EXOSC10: variants seen among roughly 807,000 people sequenced by gnomAD.
EXOSC10 encodes the protein exosome component 10, also known as exosome complex component 10.
Under a neutral mutation model 126.6 loss-of-function variants are expected in EXOSC10, and 94 were observed. The ratio of observed to expected loss-of-function variants is 0.74; its 90% CI spans 0.63 to 0.88. EXOSC10 has a LOEUF of 0.88. Among genes scored for constraint, EXOSC10 ranks in the 40% least tolerant of loss-of-function variants. The pLI is 0.00. For missense variants in EXOSC10, 1,041 were observed against 1,100.5 expected, an observed-to-expected ratio of 0.95 and a Z score of 0.77; for synonymous variants, 395 against 400.8, an observed-to-expected ratio of 0.99 and a Z score of 0.17.
At chr1:11,080,198 T>C (rs1441792537) in intron 13 of EXOSC10, among the ~76,000 whole-genome samples, 1 of 152,198 alleles carries the variant, frequency 6.6e-6, no homozygotes, top group Non-Finnish European at 1.5e-5. Context: ...TGGAAGAAAG[T>C]ACAGATGACA....
chr1:11,087,121 T>A (rs1319705288), intron 9 of EXOSC10, among the ~76,000 whole-genome samples: 1 of 152,208 alleles, frequency 6.6e-6, no homozygotes, highest in Non-Finnish European at 1.5e-5. Flanking sequence ...ACGCTTGAAG[T>A]CTGAAACTGT....
At chr1:11,087,365 G>A (rs1640551992) in intron 9 of EXOSC10, 83 bp downstream of exon 9, 24 of 1,527,296 alleles carry the variant, frequency 1.6e-5, no homozygotes, top group Non-Finnish European at 2.2e-5. Flanking sequence ...ACTGGTCTAG[G>A]TTGAAATAAT....
At position 11,098,048 on chromosome 1, in the gene EXOSC10, C is replaced by T. The variant is rs62623443; in HGVS notation, c.220G>A (p.Glu74Lys). The change falls in exon 2 of 25, where the codon GAA (glutamate) becomes AAA (lysine). Residue 74 changes from glutamate to lysine, a missense_variant. By Grantham distance (56) the Glu-to-Lys change is moderately conservative (BLOSUM62 1). Around this residue, in one of 3 missense-constraint regions of EXOSC10, gnomAD observed 645 missense variants for 656.3 expected, o/e 0.98. Transcript: ENST00000376936. ...TGAAGCAACCTGTCTCCCTGTGTTTCGCAAAATGCTTGGAAGCCAGGAAAA... is the reference window on the plus strand; with the variant it reads ...TGAAGCAACCTGTCTCCCTGTGTTTTGCAAAATGCTTGGAAGCCAGGAAAA... Reference protein sequence around the residue: ...RSFPGFQAFCETQGDRLLQCM... With the variant: ...RSFPGFQAFCKTQGDRLLQCM... The T allele has an allele frequency of 7.7e-3, 12,387 of 1,611,812 alleles. 426 individuals carry two copies. The highest frequency in any genetic ancestry group is 0.064 in the Admixed American group (3,802 of 59,456).
chr1:11,080,818 T>G lies in EXOSC10; in HGVS notation c.1532A>C (p.Gln511Pro). The G allele has an allele frequency of 6.2e-7, 1 of 1,614,190 alleles. No individual in the cohort carries two copies. Among genetic ancestry groups the G allele is most frequent in the Non-Finnish European group, 8.5e-7 (1 of 1,180,020 alleles). ...TTTATCCCTCCAGGCAAACAGCAGC[T>G]GAAAGGCTGTCAACTGCTGTGTGTT... The part of the protein sequence containing the change: ...HLNTQQLTAF[Q>P]LLFAWRDKTA... The change falls in exon 12 of 25, where the codon CAG (glutamine) becomes CCG (proline). Residue 511 changes from glutamine (Q) to proline (P), a missense_variant. By Grantham distance (76) the Gln-to-Pro change is moderately conservative. This residue lies in a region of EXOSC10 where 645 missense variants were observed against 656.3 expected (regional missense o/e 0.98). Transcript: ENST00000376936.
chr1:11,072,739 G>C (rs1376176831), intron 19 of EXOSC10: 1 of 152,584 alleles, frequency 6.6e-6, no homozygotes, highest in Non-Finnish European at 1.5e-5. Flanking sequence ...CTCAGGGACA[G>C]GAACGGGGCT....
At chr1:11,069,794 G>A (rs1490661742) in intron 21 of EXOSC10, 64 bp from the exon 22 acceptor site, 34 of 1,552,210 alleles carry the variant, frequency 2.2e-5, no homozygotes, top group Non-Finnish European at 2.4e-5. Context: ...GAACTCCACC[G>A]GCCTCAGCAA....
intron 13 of EXOSC10, 46 bp from the exon 14 acceptor site, chr1:11,079,868 G>A (rs2100977693): frequency 1.4e-6 from 2 of 1,425,812 alleles, no homozygotes; most frequent in Non-Finnish European, 1.9e-6. Flanking sequence ...CAGAAACGCA[G>A]CCCTTAAAGG....
rs70977543 is a variant in EXOSC10, at chr1:11,080,563, A to AACACACAC, written c.1587-22_1587-15dup. ...GGCAGTACATATCTGGAAAAAAAAA[A>AACACACAC]ACACACACACACACACACACACACA... is the stretch of plus-strand genomic sequence containing the variant. On this transcript the variant is annotated splice_polypyrimidine_tract_variant and intron_variant, in intron 12 of 24. Transcript: ENST00000376936. The AACACACAC allele has an allele frequency of 1.9e-4, 277 of 1,423,502 alleles. No individual in the cohort carries two copies. In the African/African-American group the frequency reaches 3.3e-3, roughly 17 times the overall value. The allele number at this position is 1,423,502 out of a possible 1,614,324, so 88.2% of individuals were successfully genotyped here.
At chr1:11,097,969 T>C (rs777638834) in intron 2 of EXOSC10, 51 bp downstream of exon 2, 9 of 1,441,276 alleles carry the variant, frequency 6.2e-6, no homozygotes, top group Admixed American at 2.7e-5. Context: ...TATCTACTTC[T>C]TTGTTTTCAT....
chr1:11,085,519 G>A lies in EXOSC10; in HGVS notation c.1089+1929C>T, dbSNP rs201288630. Among the ~76,000 whole-genome samples, 16 of 152,152 alleles carry A rather than the reference G, an allele frequency of 1.1e-4. No homozygotes were observed. The East Asian group carries it at 2.5e-3, about 24-fold the overall frequency. ...TGCTTATCAGCTTAAGGAGATTTTG[G>A]GCTGAGACAATGGGGTTTTCTAGAT... On this transcript the variant is annotated intron_variant, in intron 9 of 24. Coordinates refer to ENST00000376936, the MANE Select transcript of EXOSC10 (RefSeq NM_001001998.3).
chr1:11,096,149 A>G (rs1165604722), intron 2 of EXOSC10, among the ~76,000 whole-genome samples: 1 of 151,938 alleles, frequency 6.6e-6, no homozygotes, highest in East Asian at 1.9e-4. Flanking sequence ...AGGTCTGGTT[A>G]ATTTTTGTAT....
intron 22 of EXOSC10, among the ~76,000 whole-genome samples, chr1:11,069,260 G>A (rs2791654): frequency 0.51 from 51,820 of 101,464 alleles, 16,786 homozygotes; most frequent in East Asian, 0.73. Context: ...AGAGAGAGAG[G>A]GTTTATGGGC....
At chr1:11,099,640 G>A (rs1040038469) in intron 1 of EXOSC10, 81 bp downstream of exon 1, 145 of 1,412,456 alleles carry the variant, frequency 1.0e-4, no homozygotes, top group Non-Finnish European at 1.3e-4. Context: ...ACGGCGGGCG[G>A]GCATTGGCTG....
chr1:11,095,971 G>C lies in EXOSC10; in HGVS notation c.249-90C>G, dbSNP rs151027964. 5.5e-3 allele frequency: 7,604 copies of C among 1,374,954 alleles called. 26 individuals carry two copies. Among genetic ancestry groups the C allele is most frequent in the Non-Finnish European group, 6.6e-3 (6,621 of 1,004,388 alleles). The allele number at this position is 1,374,954 out of a possible 1,614,324, so 85.2% of individuals were successfully genotyped here. ...GAGAATGTTCAAATGATGTGGCTCAGACTGTTCCCAACACATCTTTTTTTT... is the reference window on the plus strand; with the variant it reads ...GAGAATGTTCAAATGATGTGGCTCACACTGTTCCCAACACATCTTTTTTTT... On this transcript the variant is annotated intron_variant, in intron 2 of 24. Coordinates refer to ENST00000376936, the MANE Select transcript of EXOSC10 (RefSeq NM_001001998.3).
intron 9 of EXOSC10, among the ~76,000 whole-genome samples, chr1:11,084,803 A>G (rs1408031873): frequency 1.3e-5 from 2 of 152,160 alleles, no homozygotes; most frequent in African/African-American, 2.4e-5. Flanking sequence ...TGATTTTTGT[A>G]TAAGGTGTAA....
intron 18 of EXOSC10, 88 bp downstream of exon 18, chr1:11,074,143 G>T: frequency 1.4e-6 from 2 of 1,381,106 alleles, no homozygotes; most frequent in Non-Finnish European, 2.1e-6. Flanking sequence ...CGACACACTG[G>T]CTTCAGAGGC....
chr1:11,081,892 G>C (rs1171015339), intron 10 of EXOSC10, among the ~76,000 whole-genome samples: 1 of 152,196 alleles, frequency 6.6e-6, no homozygotes, highest in African/African-American at 2.4e-5. Flanking sequence ...AGACCAGTCT[G>C]ACCAACATGG....
chr1:11,088,119 T>C lies in EXOSC10; in HGVS notation c.834+4A>G. On this transcript the variant is annotated splice_donor_region_variant and intron_variant, in intron 7 of 24. Coordinates refer to ENST00000376936, the MANE Select transcript of EXOSC10 (RefSeq NM_001001998.3). ...GCACCTTTAAACTAAGGCTGGGTAC[T>C]AACCTGGGGTTGTGGCTTTTGAAGC... The C allele has an allele frequency of 6.2e-7, 1 of 1,611,836 alleles. No homozygotes were observed.
intron 14 of EXOSC10, 128 bp downstream of exon 14, chr1:11,079,583 G>A (rs370326533): frequency 9.9e-5 from 66 of 668,678 alleles, no homozygotes; most frequent in Middle Eastern, 8.6e-4. Flanking sequence ...TAGTAGAGAC[G>A]GGGTTTCACC....
Sources: allele counts gnomAD v4.1 joint callset (sites outside exome capture counted in the v4.1 genomes callset), GRCh38; gene constraint gnomAD v4.1.1; regional missense constraint gnomAD v4.1.1; transcripts MANE v1.5; gene names NCBI Gene and HGNC (gene_info 2026-07-23, HGNC 2026-07-21).